INSYN2B: variants seen among roughly 807,000 people sequenced by gnomAD.
The protein encoded by INSYN2B is protein INSYN2B.
Under a neutral mutation model 41.2 loss-of-function variants are expected in INSYN2B, and 16 were observed. The ratio of observed to expected loss-of-function variants is 0.39; its 90% CI spans 0.26 to 0.59. The LOEUF (loss-of-function observed/expected upper bound fraction) is 0.59, where lower values mean the gene tolerates loss of function less well. INSYN2B is among the 20% of genes least tolerant of loss of function. The probability of loss-of-function intolerance (pLI) is 0.57; values close to 1 mark genes in which losing one functional copy is unlikely to be tolerated. For synonymous variants in INSYN2B, 245 were observed against 244.4 expected, an observed-to-expected ratio of 1.00 and a Z score of -0.02; for missense variants, 608 against 646.4, an observed-to-expected ratio of 0.94 and a Z score of 0.64.
At chr5:169,877,655 TTAGA>T (rs60864148) in intron 3 of INSYN2B, among the ~76,000 whole-genome samples, 4,076 of 152,142 alleles carry the variant, frequency 0.027, 171 homozygotes, top group South Asian at 0.11. Flanking sequence ...CTTGAAAATT[TTAGA>T]TAGATAGATA....
chr5:169,889,180 G>A (rs1237945069), intron 1 of INSYN2B, among the ~76,000 whole-genome samples: 1 of 152,212 alleles, frequency 6.6e-6, no homozygotes, highest in Non-Finnish European at 1.5e-5. Context: ...ACATGGAATA[G>A]TTGGATAGTT....
chr5:169,964,766 C>T (rs112283375), intron 1 of INSYN2B, among the ~76,000 whole-genome samples: 2,127 of 152,306 alleles, frequency 0.014, 21 homozygotes, highest in Middle Eastern at 0.058. Context: ...CTTCTCCCCT[C>T]GGAGCAAAAG....
At chr5:169,945,638 G>A (rs1468218433) in intron 1 of INSYN2B, among the ~76,000 whole-genome samples, 1 of 152,198 alleles carries the variant, frequency 6.6e-6, no homozygotes, top group African/African-American at 2.4e-5. Context: ...TGGCTGAGCT[G>A]CATCTGCAGT....
intron 1 of INSYN2B, among the ~76,000 whole-genome samples, chr5:169,923,483 G>GCACACACA (rs34053722): frequency 2.1e-4 from 32 of 148,924 alleles, no homozygotes; most frequent in African/African-American, 7.6e-4. Context: ...ATGCACGTGG[G>GCACACACA]CACACACACA....
At chr5:169,896,715 C>T (rs261065) in intron 1 of INSYN2B, among the ~76,000 whole-genome samples, 113,891 of 152,096 alleles carry the variant, frequency 0.75, 43,549 homozygotes, top group African/African-American at 0.89. Flanking sequence ...ACTCACTAGT[C>T]GCCACTCAAA....
intron 1 of INSYN2B, among the ~76,000 whole-genome samples, chr5:169,930,179 T>A (rs1012771956): frequency 6.6e-6 from 1 of 152,002 alleles, no homozygotes; most frequent in Non-Finnish European, 1.5e-5. Context: ...TTAGTAGAGA[T>A]GGGGGTTTCA....
intron 1 of INSYN2B, among the ~76,000 whole-genome samples, chr5:169,978,916 C>T (rs1777835927): frequency 6.6e-6 from 1 of 152,170 alleles, no homozygotes. Context: ...CCAATCGGAG[C>T]GAGGTGACAC....
At chr5:169,922,516 C>G (rs1775229002) in intron 1 of INSYN2B, among the ~76,000 whole-genome samples, 1 of 152,188 alleles carries the variant, frequency 6.6e-6, no homozygotes, top group Admixed American at 6.5e-5. Context: ...TAAAGTAGAT[C>G]TTGGCCATCA....
intron 1 of INSYN2B, among the ~76,000 whole-genome samples, chr5:169,978,804 C>T (rs556130300): frequency 4.8e-4 from 73 of 152,306 alleles, no homozygotes; most frequent in Non-Finnish European, 8.5e-4. Context: ...AGTCCCTCAT[C>T]AGCCAAGTGC....
In INSYN2B at chr5:169,883,154, G is replaced by A. The variant is rs1772762992; in HGVS notation, c.745C>T (p.Pro249Ser). The A allele has an allele frequency of 6.4e-7, 1 of 1,551,502 alleles. No individual in the cohort carries two copies. Among genetic ancestry groups the A allele is most frequent in the African/African-American group, 1.4e-5 (1 of 73,030 alleles). Reference protein sequence around the residue: ...TRPGDGRRVTPLDSEKSTSCL... With the variant: ...TRPGDGRRVTSLDSEKSTSCL... ...GAGGTGGATTTTTCTGAATCTAGTG[G>A]AGTCACCCTTCTCCCATCACCTGGA... The change falls in exon 2 of 4, where the codon CCA becomes TCA. Residue 249 changes from proline to serine, a missense_variant. Transcript: ENST00000377365.
At chr5:169,902,604 G>A (rs1479991665) in intron 1 of INSYN2B, among the ~76,000 whole-genome samples, 2 of 152,226 alleles carry the variant, frequency 1.3e-5, no homozygotes, top group Non-Finnish European at 2.9e-5. Flanking sequence ...CCCCGCTGAG[G>A]CTCCCTGGGG....
intron 3 of INSYN2B, among the ~76,000 whole-genome samples, chr5:169,879,261 G>A (rs73801673): frequency 1.3e-3 from 196 of 152,182 alleles, no homozygotes; most frequent in African/African-American, 4.5e-3. Flanking sequence ...GAGAGATCAC[G>A]GCTTAACAAG....
rs1401328923 is a variant in INSYN2B at position 169,882,675 on chromosome 5, T to G, written c.1224A>C (p.Glu408Asp). 1.3e-6 allele frequency: 2 copies of G among 1,551,848 alleles called. No individual in the cohort carries two copies. The highest frequency in any genetic ancestry group is 2.0e-5 in the Admixed American group (1 of 50,982). The stretch of plus-strand genomic sequence containing the variant: ...GCAGTCGGCCTTGGAGGTCGCAGAG[T>G]TCACCCCGTGCCAGGTGAATTTGAT... The part of the protein sequence containing the change: ...DINQIHLARG[E>D]LCDLQGRLQS... Residue 408 changes from glutamate to aspartate, a missense_variant, in exon 2 of 4, where the codon GAA (glutamate) becomes GAC (aspartate). Coordinates refer to ENST00000377365, the MANE Select transcript of INSYN2B (RefSeq NM_001129891.3).
intron 1 of INSYN2B, among the ~76,000 whole-genome samples, chr5:169,953,913 A>G (rs1180926258): frequency 6.6e-6 from 1 of 152,240 alleles, no homozygotes; most frequent in Admixed American, 6.5e-5. Flanking sequence ...TGGTAATTGT[A>G]ACTACCTCAA....
At chr5:169,930,184 G>A (rs137960442) in intron 1 of INSYN2B, among the ~76,000 whole-genome samples, 2,063 of 152,188 alleles carry the variant, frequency 0.014, 18 homozygotes, top group Middle Eastern at 0.041. Context: ...AGAGATGGGG[G>A]TTTCACCATG....
intron 3 of INSYN2B, among the ~76,000 whole-genome samples, chr5:169,868,836 G>A (rs749343683): frequency 1.7e-4 from 26 of 152,124 alleles, no homozygotes; most frequent in Non-Finnish European, 3.2e-4. Flanking sequence ...AGAAAAGACC[G>A]GGAGATGGAA....
chr5:169,975,088 A>G (rs528800200), intron 1 of INSYN2B, among the ~76,000 whole-genome samples: 1 of 152,304 alleles, frequency 6.6e-6, no homozygotes, highest in South Asian at 2.1e-4. Flanking sequence ...TCAATGTAAA[A>G]CTAAAGTCCA....
At chr5:169,945,905 T>C (rs1776430324) in intron 1 of INSYN2B, among the ~76,000 whole-genome samples, 1 of 152,220 alleles carries the variant, frequency 6.6e-6, no homozygotes, top group Admixed American at 6.5e-5. Context: ...TGTGGCTCTT[T>C]TCCAGAAAAG....
At chr5:169,964,711 C>G (rs2113752804) in intron 1 of INSYN2B, among the ~76,000 whole-genome samples, 1 of 152,340 alleles carries the variant, frequency 6.6e-6, no homozygotes, top group Admixed American at 6.5e-5. Context: ...GTCTTCAAAT[C>G]TTATTGGTGC....
Sources: gnomAD v4.1 joint callset for allele counts (sites outside exome capture counted in the v4.1 genomes callset) on GRCh38, gnomAD v4.1.1 for gene constraint, MANE v1.5 for transcripts, NCBI Gene and HGNC (gene_info 2026-07-23, HGNC 2026-07-21) for gene names.